GMDS: variants seen among roughly 807,000 people sequenced by gnomAD.
GMDS encodes GDP-mannose 4,6-dehydratase.
Under a neutral mutation model 49.9 loss-of-function variants are expected in GMDS, and 20 were observed. The ratio of observed to expected loss-of-function variants is 0.40; its 90% CI spans 0.28 to 0.58. The LOEUF (loss-of-function observed/expected upper bound fraction) is 0.58, where lower values mean the gene tolerates loss of function less well. Ranked by LOEUF, GMDS falls within the 20% of genes least tolerant of loss-of-function variation. The pLI, the probability that GMDS is intolerant of heterozygous loss-of-function variation, is 0.42. For synonymous variants in GMDS, 177 were observed against 178.6 expected (o/e 0.99, Z 0.07); for missense variants, 362 against 481.4 (o/e 0.75, Z 2.32).
Position 1,657,853 on chromosome 6 carries a change from C to CAAAAAA in GMDS, c.988-33319_988-33314dup, listed in dbSNP as rs757277370. Among the ~76,000 whole-genome samples the CAAAAAA allele has an allele frequency of 3.9e-3, 244 of 63,012 alleles. 2 individuals carry two copies. The highest frequency in any genetic ancestry group is 5.1e-3 in the East Asian group (11 of 2,174). 41.3% of individuals were successfully genotyped at this position (63,012 alleles called of 152,430 possible). On this transcript the variant is annotated intron_variant, in intron 9 of 10. Transcript: ENST00000380815. ...AGATCCTTGTAACAAAGAACTCAAGCAAAAAAAAAAAAAAAAGAAAAAGAA... is the reference window on the plus strand; with the variant it reads ...AGATCCTTGTAACAAAGAACTCAAGCAAAAAAAAAAAAAAAAAAAAAAGAAAAAGAA...
intron 3 of GMDS, among the ~76,000 whole-genome samples, chr6:2,116,488 T>C (rs1774856196): frequency 6.6e-6 from 1 of 152,352 alleles, no homozygotes; most frequent in South Asian, 2.1e-4. Context: ...TCATCATTTT[T>C]ACATAATATT....
At chr6:1,898,594 C>A (rs2113854721) in intron 7 of GMDS, among the ~76,000 whole-genome samples, 1 of 152,268 alleles carries the variant, frequency 6.6e-6, no homozygotes, top group African/African-American at 2.4e-5. Context: ...CCAGTCAAGC[C>A]CTCCTGACCT....
chr6:1,703,384 G>A (rs1055291615), intron 9 of GMDS, among the ~76,000 whole-genome samples: 5 of 151,736 alleles, frequency 3.3e-5, no homozygotes, highest in African/African-American at 9.7e-5. Flanking sequence ...AGTTCCACCC[G>A]AAAGTGGTAA....
chr6:1,966,494 T>A (rs1283740991), intron 4 of GMDS, among the ~76,000 whole-genome samples: 2 of 152,148 alleles, frequency 1.3e-5, no homozygotes, highest in African/African-American at 2.4e-5. Flanking sequence ...TGGCATCAAG[T>A]CTCCAGGCTC....
intron 3 of GMDS, among the ~76,000 whole-genome samples, chr6:2,116,306 C>G (rs968209094): frequency 1.3e-5 from 2 of 152,098 alleles, no homozygotes; most frequent in African/African-American, 4.8e-5. Context: ...ATACTTTTAT[C>G]TAGTAATTTT....
chr6:1,967,526 T>C (rs1764330013), intron 4 of GMDS, among the ~76,000 whole-genome samples: 1 of 152,222 alleles, frequency 6.6e-6, no homozygotes, highest in South Asian at 2.1e-4. Context: ...GATAAAACTC[T>C]CTATAAATTC....
At position 2,174,409 on chromosome 6, in the gene GMDS, T is replaced by A. The variant is rs1329536714; in HGVS notation, c.103-49678A>T. Among the ~76,000 whole-genome samples, 4 of 152,230 alleles carry A rather than the reference T, an allele frequency of 2.6e-5. No homozygotes were observed. The East Asian group carries it at 7.7e-4, about 29-fold the overall frequency. The stretch of plus-strand genomic sequence containing the variant: ...TTTAATGGGTGAATTTCATCTTTTT[T>A]AAACTATGCTTGCAGAGTATCTAAA... On this transcript the variant is annotated intron_variant, in intron 1 of 10. Coordinates refer to ENST00000380815, the MANE Select transcript of GMDS (RefSeq NM_001500.4).
At chr6:1,725,182 T>C (rs1766532411) in intron 9 of GMDS, among the ~76,000 whole-genome samples, 1 of 152,226 alleles carries the variant, frequency 6.6e-6, no homozygotes, top group Non-Finnish European at 1.5e-5. Context: ...CATATGAACG[T>C]TTCTCTCTAG....
chr6:1,923,402 G>A (rs891927756), intron 7 of GMDS, among the ~76,000 whole-genome samples: 6 of 152,322 alleles, frequency 3.9e-5, no homozygotes, highest in Middle Eastern at 6.8e-3. Flanking sequence ...GTCCACAGAC[G>A]GCAGAGCTAA....
chr6:1,863,962 A>G (rs979239813), intron 7 of GMDS, among the ~76,000 whole-genome samples: 17 of 152,186 alleles, frequency 1.1e-4, no homozygotes, highest in African/African-American at 4.1e-4. Flanking sequence ...AAATTAGCCA[A>G]TAAACCAGCA....
At chr6:1,819,760 CAAAAA>C (rs1197523577) in intron 7 of GMDS, among the ~76,000 whole-genome samples, 49 of 111,360 alleles carry the variant, frequency 4.4e-4, no homozygotes, top group African/African-American at 1.5e-3. Flanking sequence ...GACTCTGCCT[CAAAAA>C]AAAAAAAAAA....
chr6:2,119,774 T>C (rs1199847319), intron 2 of GMDS, among the ~76,000 whole-genome samples: 1 of 152,188 alleles, frequency 6.6e-6, no homozygotes, highest in Admixed American at 6.5e-5. Flanking sequence ...GTTATAGTAG[T>C]TCAAAAACAA....
At chr6:2,078,013 A>G (rs1772448672) in intron 4 of GMDS, among the ~76,000 whole-genome samples, 1 of 151,984 alleles carries the variant, frequency 6.6e-6, no homozygotes, top group Admixed American at 6.6e-5. Context: ...AGCTTGGTAG[A>G]TGGTAGGTGT....
intron 7 of GMDS, among the ~76,000 whole-genome samples, chr6:1,776,240 G>C (rs888823168): frequency 1.3e-5 from 2 of 152,242 alleles, no homozygotes; most frequent in African/African-American, 4.8e-5. Flanking sequence ...AGTTTGGAAA[G>C]TCAGAGGACA....
chr6:2,041,900 G>A (rs1769707018), intron 4 of GMDS, among the ~76,000 whole-genome samples: 1 of 152,196 alleles, frequency 6.6e-6, no homozygotes, highest in African/African-American at 2.4e-5. Context: ...ATGTGTCCAA[G>A]AGCAGAGGTG....
intron 9 of GMDS, among the ~76,000 whole-genome samples, chr6:1,685,673 C>T (rs1446323907): frequency 2.6e-5 from 4 of 151,996 alleles, no homozygotes; most frequent in African/African-American, 9.7e-5. Flanking sequence ...TCCAAGCTGG[C>T]CGCACAGAGC....
chr6:1,860,130 A>T (rs1758114790), intron 7 of GMDS, among the ~76,000 whole-genome samples: 1 of 152,254 alleles, frequency 6.6e-6, no homozygotes, highest in Non-Finnish European at 1.5e-5. Context: ...AGAATTAAAA[A>T]TTAACCATTG....
At chr6:1,728,310 G>A (rs976480652) in intron 8 of GMDS, among the ~76,000 whole-genome samples, 27 of 152,278 alleles carry the variant, frequency 1.8e-4, no homozygotes, top group African/African-American at 5.8e-4. Context: ...TAGGCTTTCA[G>A]TAGATGAAAG....
chr6:1,733,576 G>C (rs1323663886), intron 8 of GMDS, among the ~76,000 whole-genome samples: 1 of 152,226 alleles, frequency 6.6e-6, no homozygotes, highest in Non-Finnish European at 1.5e-5. Context: ...CAGTACTTTG[G>C]GAAGCCGAGG....
Sources: gnomAD v4.1 joint callset for allele counts (sites outside exome capture counted in the v4.1 genomes callset) on GRCh38, gnomAD v4.1.1 for gene constraint, MANE v1.5 for transcripts, NCBI Gene and HGNC (gene_info 2026-07-23, HGNC 2026-07-21) for gene names.